The following FAF1 variants were observed in gnomAD, a reference collection of about 807,000 sequenced individuals.
FAF1 encodes Fas associated factor 1.
In FAF1, 25 loss-of-function variants were observed where a neutral mutation model predicts 92.5. That is an observed-to-expected ratio of 0.27 (90% CI 0.20 to 0.38). The LOEUF is 0.38. Ranked by LOEUF, FAF1 falls within the 10% of genes least tolerant of loss-of-function variation. The pLI, the probability that FAF1 is intolerant of heterozygous loss-of-function variation, is 1.00. For missense variants in FAF1, 636 were observed against 793.3 expected (o/e 0.80, Z 2.38); for synonymous variants, 234 against 273.2 (o/e 0.86, Z 1.42).
At chr1:50,792,588 T>C (rs1321977642) in intron 3 of FAF1, among the ~76,000 whole-genome samples, 3 of 152,224 alleles carry the variant, frequency 2.0e-5, no homozygotes, top group Non-Finnish European at 4.4e-5. Context: ...AGAAGAAATA[T>C]AGATGCTTAA....
At chr1:50,732,973 A>G (rs1658992411) in intron 6 of FAF1, among the ~76,000 whole-genome samples, 1 of 151,940 alleles carries the variant, frequency 6.6e-6, no homozygotes, top group African/African-American at 2.4e-5. Flanking sequence ...ACTAAAGTTA[A>G]TCAGTATTTC....
intron 8 of FAF1, among the ~76,000 whole-genome samples, chr1:50,631,513 T>C (rs1000544953): frequency 3.9e-5 from 6 of 152,060 alleles, no homozygotes; most frequent in South Asian, 2.1e-4. Flanking sequence ...GCCCCAAAGC[T>C]CAAGAGTAGT....
chr1:50,463,203 G>A (rs1436188680), intron 18 of FAF1, among the ~76,000 whole-genome samples: 2 of 152,152 alleles, frequency 1.3e-5, no homozygotes, highest in Non-Finnish European at 2.9e-5. Flanking sequence ...AGCTTCCTTG[G>A]TTGGCAACAT....
intron 2 of FAF1, among the ~76,000 whole-genome samples, chr1:50,814,837 T>G (rs1388135068): frequency 6.6e-6 from 1 of 152,170 alleles, no homozygotes; most frequent in Non-Finnish European, 1.5e-5. Flanking sequence ...CCCATTAGGA[T>G]GGCTACTATC....
chr1:50,465,292 A>T (rs1052514904), intron 18 of FAF1, among the ~76,000 whole-genome samples: 1 of 152,204 alleles, frequency 6.6e-6, no homozygotes, highest in African/African-American at 2.4e-5. Context: ...TCTTAACTGT[A>T]AAGTAAGGAT....
intron 13 of FAF1, among the ~76,000 whole-genome samples, chr1:50,562,814 A>G (rs2149053736): frequency 6.6e-6 from 1 of 152,356 alleles, no homozygotes; most frequent in South Asian, 2.1e-4. Context: ...TACTCAATGA[A>G]CAAACATAAG....
chr1:50,563,739 G>A (rs1195041118), intron 13 of FAF1, among the ~76,000 whole-genome samples: 1 of 152,172 alleles, frequency 6.6e-6, no homozygotes, highest in Non-Finnish European at 1.5e-5. Flanking sequence ...CAATTTAGCA[G>A]GGGAGATGAC....
At chr1:50,521,556 T>C (rs904600544) in intron 15 of FAF1, among the ~76,000 whole-genome samples, 8 of 152,210 alleles carry the variant, frequency 5.3e-5, no homozygotes, top group Middle Eastern at 3.2e-3. Flanking sequence ...GGCTACTTTT[T>C]AAATGTTACA....
chr1:50,724,719 T>G (rs1658573804), intron 6 of FAF1, among the ~76,000 whole-genome samples: 1 of 152,220 alleles, frequency 6.6e-6, no homozygotes, highest in Non-Finnish European at 1.5e-5. Flanking sequence ...TAGAATTACT[T>G]ACAAGGTCAT....
At chr1:50,545,664 C>T (rs922035148) in intron 13 of FAF1, among the ~76,000 whole-genome samples, 5 of 152,004 alleles carry the variant, frequency 3.3e-5, no homozygotes, top group African/African-American at 1.2e-4. Context: ...GGCAAGGTTA[C>T]AGGAAAACCA....
intron 4 of FAF1, among the ~76,000 whole-genome samples, chr1:50,745,209 G>C (rs1659540192): frequency 6.6e-6 from 1 of 152,170 alleles, no homozygotes; most frequent in Non-Finnish European, 1.5e-5. Flanking sequence ...GCTGAGGCAG[G>C]AGAATCACTT....
intron 3 of FAF1, among the ~76,000 whole-genome samples, chr1:50,801,065 A>C (rs1023123154): frequency 6.6e-6 from 1 of 152,252 alleles, no homozygotes; most frequent in African/African-American, 2.4e-5. Flanking sequence ...TCTCTTGGCC[A>C]CATCTTCCAG....
intron 17 of FAF1, among the ~76,000 whole-genome samples, chr1:50,489,347 G>A (rs1025761306): frequency 6.6e-6 from 1 of 152,184 alleles, no homozygotes; most frequent in African/African-American, 2.4e-5. Flanking sequence ...CTCAACCCCA[G>A]TTAGGGCCCT....
chr1:50,448,300 T>C (rs974500951), intron 18 of FAF1, among the ~76,000 whole-genome samples: 2 of 152,206 alleles, frequency 1.3e-5, no homozygotes, highest in Non-Finnish European at 2.9e-5. Flanking sequence ...CTGGGTTGGA[T>C]TCCCACTGCT....
chr1:50,953,881 T>C (rs1177710747), intron 1 of FAF1, among the ~76,000 whole-genome samples: 1 of 151,978 alleles, frequency 6.6e-6, no homozygotes, highest in African/African-American at 2.4e-5. Context: ...ATCAAATCAA[T>C]GCCAAATTAG....
intron 17 of FAF1, among the ~76,000 whole-genome samples, chr1:50,479,255 C>T (rs1462173407): frequency 6.9e-6 from 1 of 144,274 alleles, no homozygotes; most frequent in African/African-American, 2.4e-5. Flanking sequence ...CACCACACTG[C>T]TCTACCTTCC....
chr1:50,755,528 C>T (rs181462472), intron 4 of FAF1, among the ~76,000 whole-genome samples: 115 of 152,272 alleles, frequency 7.6e-4, no homozygotes, highest in African/African-American at 2.5e-3. Flanking sequence ...TGCAAGCTGT[C>T]CGTGGATCTA....
chr1:50,529,021 T>C (rs1340035716), intron 15 of FAF1, among the ~76,000 whole-genome samples: 1 of 152,212 alleles, frequency 6.6e-6, no homozygotes, highest in Non-Finnish European at 1.5e-5. Context: ...ATATTATTGG[T>C]AAGACTTCTG....
At chr1:50,452,702 CCTT>C (rs1353074363) in intron 18 of FAF1, among the ~76,000 whole-genome samples, 1 of 152,142 alleles carries the variant, frequency 6.6e-6, no homozygotes, top group Non-Finnish European at 1.5e-5. Context: ...AGCTTAAAAG[CCTT>C]CTGAGAGATC....
Sources: gnomAD v4.1 joint callset for allele counts (sites outside exome capture counted in the v4.1 genomes callset) on GRCh38, gnomAD v4.1.1 for gene constraint, MANE v1.5 for transcripts, NCBI Gene and HGNC (gene_info 2026-07-23, HGNC 2026-07-21) for gene names.